MEIS2: variants seen among roughly 807,000 people sequenced by gnomAD.
MEIS2 encodes the protein homeobox protein Meis2.
Under a neutral mutation model 58.6 loss-of-function variants are expected in MEIS2, and 9 were observed. The ratio of observed to expected loss-of-function variants is 0.15; its 90% CI spans 0.09 to 0.27. The LOEUF (loss-of-function observed/expected upper bound fraction) is 0.27. Ranked by LOEUF, MEIS2 falls within the 10% of genes least tolerant of loss-of-function variation. MEIS2 has a pLI of 1.00. For missense variants in MEIS2, 427 were observed against 635.0 expected, an observed-to-expected ratio of 0.67 and a Z score of 3.52; for synonymous variants, 221 against 228.4, an observed-to-expected ratio of 0.97 and a Z score of 0.29.
chr15:36,994,539 G>GT (rs1404721645), intron 8 of MEIS2, among the ~76,000 whole-genome samples: 1 of 152,162 alleles, frequency 6.6e-6, no homozygotes, highest in Admixed American at 6.5e-5. Flanking sequence ...TTACAAACAT[G>GT]TTTTTTACTC....
In MEIS2 at chr15:37,083,865, G is replaced by A. The variant is rs778469865; in HGVS notation, c.660C>T (p.Asp220=). Residue 220 remains aspartate (D), a synonymous_variant, in exon 7 of 12, where the codon GAC becomes GAT. Coordinates refer to ENST00000561208, the MANE Select transcript of MEIS2 (RefSeq NM_170675.5). ...LADHNPSSWR[D]HDDATSTHSA... is the part of the protein sequence containing the mutation. ...AGTGGGTTGAGGTTGCATCATCGTG[G>A]TCTCGCCAAGAAGAAGGGTTCTGAT... The A allele has an allele frequency of 6.2e-7, 1 of 1,613,862 alleles. No individual in the cohort carries two copies. Among genetic ancestry groups the A allele is most frequent in the African/African-American group, 1.3e-5 (1 of 74,892 alleles).
intron 5 of MEIS2, 138 bp from the exon 6 acceptor site, chr15:37,093,868 CTAAT>C: frequency 9.4e-7 from 1 of 1,058,544 alleles, no homozygotes; most frequent in Non-Finnish European, 1.4e-6. Flanking sequence ...CAAACTAACT[CTAAT>C]TAAAGGGTGT....
At chr15:36,987,451 C>T (rs531062035) in intron 8 of MEIS2, among the ~76,000 whole-genome samples, 1 of 148,906 alleles carries the variant, frequency 6.7e-6, no homozygotes, top group South Asian at 2.1e-4. Context: ...CAAAGGTAAA[C>T]TTCTAAAACT....
chr15:37,023,986 T>C (rs377607356), intron 8 of MEIS2, among the ~76,000 whole-genome samples: 299 of 146,474 alleles, frequency 2.0e-3, no homozygotes, highest in African/African-American at 6.9e-3. Context: ...CTCAGCTCAC[T>C]GCAACCTCCG....
At chr15:36,917,717 T>C (rs948931209) in intron 9 of MEIS2, among the ~76,000 whole-genome samples, 8 of 152,194 alleles carry the variant, frequency 5.3e-5, no homozygotes, top group Admixed American at 5.2e-4. Flanking sequence ...TAACTCATCA[T>C]TGTACTGAAC....
At chr15:37,070,253 G>A (rs997032360) in intron 7 of MEIS2, among the ~76,000 whole-genome samples, 1 of 152,162 alleles carries the variant, frequency 6.6e-6, no homozygotes, top group Non-Finnish European at 1.5e-5. Flanking sequence ...TATAAAGGAA[G>A]TTATTTTTAC....
intron 8 of MEIS2, among the ~76,000 whole-genome samples, chr15:37,015,510 C>T (rs74008831): frequency 0.012 from 1,792 of 150,924 alleles, 41 homozygotes; most frequent in African/African-American, 0.04. Flanking sequence ...CCACCGATCA[C>T]TGTATCATGC....
chr15:36,921,219 A>G (rs1407340232), intron 9 of MEIS2, among the ~76,000 whole-genome samples: 3 of 152,166 alleles, frequency 2.0e-5, no homozygotes, highest in Non-Finnish European at 4.4e-5. Flanking sequence ...ATGCCTGTGA[A>G]ATATGTAGGA....
chr15:36,905,388 G>A (rs186179891), intron 9 of MEIS2, among the ~76,000 whole-genome samples: 2 of 152,130 alleles, frequency 1.3e-5, no homozygotes, highest in Non-Finnish European at 2.9e-5. Context: ...CTATCTAGGG[G>A]AACAGAGATT....
At position 36,890,202 on chromosome 15, in the gene MEIS2, C is replaced by T. The variant is rs191843926; in HGVS notation, c.*1971G>A. 71 of 152,172 alleles carry T rather than the reference C, an allele frequency of 4.7e-4. No individual in the cohort carries two copies. Among genetic ancestry groups the T allele is most frequent in the African/African-American group, 1.5e-3 (63 of 41,526 alleles). The allele number at this position is 152,172 out of a possible 1,614,324, so 9.4% of individuals were successfully genotyped here. On this transcript the variant is annotated 3_prime_UTR_variant, in exon 12 of 12. Transcript: ENST00000561208. ...ACATTATTCTTTCTAAACAAAGATT[C>T]AAAATTTAAGAGTTAAAAAATTCCA...
In MEIS2 at chr15:36,892,330, T is replaced by A. The variant is rs1404611090; in HGVS notation, c.1277A>T (p.His426Leu). The A allele has an allele frequency of 6.2e-7, 1 of 1,613,750 alleles. No homozygotes were observed. Among genetic ancestry groups the A allele is most frequent in the Admixed American group, 1.7e-5 (1 of 59,996 alleles). Residue 426 changes from histidine to leucine, a missense_variant, in exon 12 of 12, where the codon CAT (histidine) becomes CTT (leucine). Physicochemically the swap from His to Leu is moderately conservative, Grantham distance 99. Transcript: ENST00000561208. The part of the protein sequence containing the change: ...PTQLRHGPPM[H>L]SYLPSHPHHP... ...GTGGGGATGGCTTGGCAAATATGAATGCATTGGGGGTCCATGTCTTAATTG... is the reference window on the plus strand; with the variant it reads ...GTGGGGATGGCTTGGCAAATATGAAAGCATTGGGGGTCCATGTCTTAATTG...
intron 9 of MEIS2, among the ~76,000 whole-genome samples, chr15:36,930,794 A>C (rs957531807): frequency 1.3e-5 from 2 of 152,228 alleles, no homozygotes; most frequent in African/African-American, 2.4e-5. Flanking sequence ...ATCTTTCTAT[A>C]AGTACAAACA....
chr15:37,005,558 C>T (rs1030220592), intron 8 of MEIS2, among the ~76,000 whole-genome samples: 2 of 152,104 alleles, frequency 1.3e-5, no homozygotes, highest in Non-Finnish European at 2.9e-5. Context: ...CAGTCCTACC[C>T]ATCATGATGG....
chr15:37,035,523 G>A (rs536346178), intron 8 of MEIS2, among the ~76,000 whole-genome samples: 27 of 152,084 alleles, frequency 1.8e-4, no homozygotes, highest in Non-Finnish European at 3.1e-4. Flanking sequence ...TCCAGAGACC[G>A]CATGTTCTGT....
chr15:37,085,881 A>G (rs1892819759), intron 6 of MEIS2, among the ~76,000 whole-genome samples: 1 of 152,174 alleles, frequency 6.6e-6, no homozygotes. Context: ...CAAGCTTTGA[A>G]GCCTCTTCGT....
intron 8 of MEIS2, among the ~76,000 whole-genome samples, chr15:36,972,365 C>T (rs149506609): frequency 5.3e-5 from 8 of 152,182 alleles, no homozygotes; most frequent in Admixed American, 3.9e-4. Context: ...GCAAAGGACC[C>T]GTGTGATTTT....
chr15:37,003,260 A>G (rs1207608672), intron 8 of MEIS2, among the ~76,000 whole-genome samples: 1 of 152,038 alleles, frequency 6.6e-6, no homozygotes, highest in Non-Finnish European at 1.5e-5. Context: ...TCCAGAAAAT[A>G]CTTCTCAGAA....
At chr15:37,096,006 C>T (rs559412608) in intron 3 of MEIS2, 9 of 436,998 alleles carry the variant, frequency 2.1e-5, no homozygotes, top group African/African-American at 5.9e-5. Flanking sequence ...GTTCAAGTAG[C>T]TGGAGGCGGG....
intron 8 of MEIS2, among the ~76,000 whole-genome samples, chr15:37,003,929 A>C (rs530003537): frequency 9.9e-5 from 15 of 152,230 alleles, no homozygotes; most frequent in Non-Finnish European, 2.2e-4. Context: ...TGAATTTGCC[A>C]GCACCATCAT....
Sources: allele counts gnomAD v4.1 joint callset (sites outside exome capture counted in the v4.1 genomes callset), GRCh38; gene constraint gnomAD v4.1.1; transcripts MANE v1.5; gene names NCBI Gene and HGNC (gene_info 2026-07-23, HGNC 2026-07-21).